DHRSX: variants seen among roughly 807,000 people sequenced by gnomAD.
DHRSX encodes the protein dehydrogenase/reductase X-linked.
A neutral mutation model predicts 34.0 loss-of-function variants in DHRSX; 31 were observed. The ratio of observed to expected loss-of-function variants is 0.91; its 90% CI spans 0.69 to 1.23. The LOEUF (loss-of-function observed/expected upper bound fraction) is 1.23, where lower values mean the gene tolerates loss of function less well. Ranked by LOEUF, DHRSX falls within the 50% of genes most tolerant of loss-of-function variation. The probability of loss-of-function intolerance (pLI) is 0.00; values close to 1 mark genes in which losing one functional copy is unlikely to be tolerated. For synonymous variants in DHRSX, 201 were observed against 183.8 expected (o/e 1.09, Z -0.76); for missense variants, 414 against 428.1 (o/e 0.97, Z 0.29).
intron 3 of DHRSX, among the ~76,000 whole-genome samples, chrX:2,396,776 T>A (rs1407524773): frequency 6.6e-6 from 1 of 151,190 alleles, no homozygotes; most frequent in Admixed American, 6.6e-5. Flanking sequence ...TTTTTTTTTT[T>A]TTTTTGAGAT....
rs765366814 is a variant in DHRSX at position 2,420,747 on chromosome X, TA to T, written c.217+4449del. The stretch of plus-strand genomic sequence containing the variant: ...AACAGAGTGAGACTTCATGTCAAAG[TA>T]AAAAAAAAAAGAATGGATAAAAAAA... On this transcript the variant is annotated intron_variant, in intron 2 of 6. Coordinates refer to ENST00000334651, the MANE Select transcript of DHRSX (RefSeq NM_145177.3). 1.4e-3 allele frequency among the ~76,000 whole-genome samples: 191 copies of T among 137,642 alleles called. 1 individual carries two copies. Among genetic ancestry groups the T allele is most frequent in the African/African-American group, 2.3e-3 (88 of 37,466 alleles). 90.3% of individuals were successfully genotyped at this position (137,642 alleles called of 152,430 possible).
chrX:2,444,770 A>G (rs1334724219), intron 1 of DHRSX, among the ~76,000 whole-genome samples: 1 of 152,058 alleles, frequency 6.6e-6, no homozygotes, highest in African/African-American at 2.4e-5. Context: ...AGGAGGTCAA[A>G]GCTGCAGTGA....
intron 1 of DHRSX, among the ~76,000 whole-genome samples, chrX:2,478,735 C>T (rs1268072050): frequency 6.7e-6 from 1 of 148,450 alleles, no homozygotes; most frequent in Non-Finnish European, 1.5e-5. Flanking sequence ...TGACTGAAGA[C>T]GTTCCCCAAG....
intron 3 of DHRSX, among the ~76,000 whole-genome samples, chrX:2,395,602 T>C (rs2043399760): frequency 6.6e-6 from 1 of 152,104 alleles, no homozygotes; most frequent in Non-Finnish European, 1.5e-5. Flanking sequence ...TTCCCGTGAC[T>C]GCAAGGAAGG....
At chrX:2,250,433 A>G (rs1341161068) in intron 5 of DHRSX, among the ~76,000 whole-genome samples, 2 of 152,066 alleles carry the variant, frequency 1.3e-5, no homozygotes, top group African/African-American at 2.4e-5. Context: ...CTGGTGGCCT[A>G]TTTTTATGGT....
At chrX:2,264,866 C>T (rs751860532) in intron 5 of DHRSX, among the ~76,000 whole-genome samples, 2 of 151,038 alleles carry the variant, frequency 1.3e-5, no homozygotes, top group South Asian at 4.2e-4. Context: ...CCAGCAGATG[C>T]AGGGAGCACT....
intron 3 of DHRSX, among the ~76,000 whole-genome samples, chrX:2,347,232 C>G (rs757603901): frequency 6.6e-6 from 1 of 152,318 alleles, no homozygotes; most frequent in South Asian, 2.1e-4. Flanking sequence ...AGGCACGTCT[C>G]ACATTGTGAC....
chrX:2,428,471 G>A (rs1441173981), intron 1 of DHRSX, among the ~76,000 whole-genome samples: 2 of 152,048 alleles, frequency 1.3e-5, no homozygotes, highest in Non-Finnish European at 2.9e-5. Context: ...TCCTTTGCAG[G>A]GACATGGATG....
intron 2 of DHRSX, among the ~76,000 whole-genome samples, chrX:2,415,017 C>G (rs898127927): frequency 6.6e-6 from 1 of 151,218 alleles, no homozygotes; most frequent in Admixed American, 6.6e-5. Flanking sequence ...GAACTCATCA[C>G]GACCTAACTA....
chrX:2,396,136 C>T (rs1412190779), intron 3 of DHRSX, among the ~76,000 whole-genome samples: 4 of 151,998 alleles, frequency 2.6e-5, no homozygotes, highest in Admixed American at 2.0e-4. Flanking sequence ...CTCCACAAGG[C>T]CTTCTCCTCT....
chrX:2,489,731 T>G, intron 1 of DHRSX: 1 of 1,613,182 alleles, frequency 6.2e-7, no homozygotes, highest in Non-Finnish European at 8.5e-7. Context: ...ATAGAGCATG[T>G]ACATGGCCAC....
At chrX:2,490,867 C>T in intron 1 of DHRSX, 3 of 1,170,444 alleles carry the variant, frequency 2.6e-6, no homozygotes, top group Admixed American at 4.8e-5. Context: ...GGCAGCTCCG[C>T]TTTCAACCAA....
In DHRSX at chrX:2,348,081, A is replaced by T. The variant is rs758203710; in HGVS notation, c.287-56478T>A. ...CAGGCAGGGAACCCAAGCCAGGCCA[A>T]TTGGGTCCCTGCCTTGGGATAGTCC... On this transcript the variant is annotated intron_variant, in intron 3 of 6. Coordinates refer to ENST00000334651, the MANE Select transcript of DHRSX (RefSeq NM_145177.3). Among the ~76,000 whole-genome samples the T allele has an allele frequency of 7.2e-5, 11 of 152,300 alleles. No homozygotes were observed. In the East Asian group the frequency reaches 1.2e-3, roughly 16 times the overall value.
intron 6 of DHRSX, among the ~76,000 whole-genome samples, chrX:2,226,721 G>A (rs760447184): frequency 5.3e-4 from 81 of 152,038 alleles, no homozygotes; most frequent in African/African-American, 1.8e-3. Flanking sequence ...CGTGAACCCG[G>A]GAGGCGGGGC....
intron 2 of DHRSX, among the ~76,000 whole-genome samples, chrX:2,409,848 G>A (rs1244117018): frequency 6.6e-6 from 1 of 151,946 alleles, no homozygotes; most frequent in Non-Finnish European, 1.5e-5. Context: ...TGCTGCCTCA[G>A]CCTCCTGAGT....
intron 4 of DHRSX, among the ~76,000 whole-genome samples, chrX:2,274,111 C>G (rs1487195025): frequency 6.6e-6 from 1 of 151,604 alleles, no homozygotes; most frequent in Non-Finnish European, 1.5e-5. Flanking sequence ...GATGTCGGCT[C>G]ACTGCAACCT....
chrX:2,270,976 C>G (rs1484639896), intron 4 of DHRSX, among the ~76,000 whole-genome samples: 1 of 152,162 alleles, frequency 6.6e-6, no homozygotes, highest in Non-Finnish European at 1.5e-5. Context: ...TAAAATGGAC[C>G]AGTCAGCAGG....
chrX:2,353,293 C>G (rs2042809684), intron 3 of DHRSX, among the ~76,000 whole-genome samples: 1 of 152,044 alleles, frequency 6.6e-6, no homozygotes, highest in South Asian at 2.1e-4. Flanking sequence ...ATGTGTATGT[C>G]AGTAGAAGAA....
chrX:2,403,467 T>C (rs1399079926), intron 3 of DHRSX, among the ~76,000 whole-genome samples: 1 of 152,138 alleles, frequency 6.6e-6, no homozygotes, highest in Non-Finnish European at 1.5e-5. Flanking sequence ...TGGGGACAAA[T>C]CATGTATTCG....
Sources: gnomAD v4.1 joint callset for allele counts (sites outside exome capture counted in the v4.1 genomes callset) on GRCh38, gnomAD v4.1.1 for gene constraint, MANE v1.5 for transcripts, NCBI Gene and HGNC (gene_info 2026-07-23, HGNC 2026-07-21) for gene names.